Variants in NCAM2 observed in about 807,000 individuals in gnomAD.
NCAM2 encodes the protein N-CAM-2.
Under a neutral mutation model 98.1 loss-of-function variants are expected in NCAM2, and 30 were observed. That is an observed-to-expected ratio of 0.31 (90% CI 0.23 to 0.41). NCAM2 has a LOEUF of 0.41. Among genes scored for constraint, NCAM2 ranks in the 10% least tolerant of loss-of-function variants. The pLI, the probability that NCAM2 is intolerant of heterozygous loss-of-function variation, is 1.00. For missense variants in NCAM2, 867 were observed against 1,005.8 expected, an observed-to-expected ratio of 0.86 and a Z score of 1.87; for synonymous variants, 368 against 342.4, an observed-to-expected ratio of 1.07 and a Z score of -0.83.
intron 15 of NCAM2, among the ~76,000 whole-genome samples, chr21:21,495,526 A>G (rs1987163612): frequency 6.6e-6 from 1 of 151,998 alleles, no homozygotes; most frequent in Non-Finnish European, 1.5e-5. Flanking sequence ...TCTTTTGGAA[A>G]ATGATCACAA....
intron 1 of NCAM2, among the ~76,000 whole-genome samples, chr21:21,127,943 C>T (rs564460919): frequency 7.9e-5 from 12 of 152,250 alleles, no homozygotes; most frequent in Non-Finnish European, 1.0e-4. Flanking sequence ...ACCTGGCTGA[C>T]GCCCAGCTCA....
intron 5 of NCAM2, among the ~76,000 whole-genome samples, chr21:21,298,282 A>G (rs75312571): frequency 0.013 from 1,931 of 151,884 alleles, 43 homozygotes; most frequent in African/African-American, 0.045. Flanking sequence ...GAATCATGTA[A>G]TTGAATCAAC....
chr21:21,390,750 A>C (rs1386676736), intron 9 of NCAM2, among the ~76,000 whole-genome samples: 8 of 152,330 alleles, frequency 5.3e-5, no homozygotes, highest in Admixed American at 3.9e-4. Context: ...AATGCATGCA[A>C]TTCTAGAAAG....
intron 14 of NCAM2, among the ~76,000 whole-genome samples, chr21:21,474,979 T>G (rs8130152): frequency 0.016 from 2,376 of 150,546 alleles, 70 homozygotes; most frequent in African/African-American, 0.055. Context: ...TATGTAGGTC[T>G]ATATATATAA....
intron 1 of NCAM2, among the ~76,000 whole-genome samples, chr21:21,203,661 T>C (rs7283546): frequency 0.018 from 2,736 of 152,296 alleles, 80 homozygotes; most frequent in African/African-American, 0.062. Context: ...GAAGAAATTA[T>C]AACAACTTTA....
chr21:21,035,736 T>A (rs919806080), intron 1 of NCAM2, among the ~76,000 whole-genome samples: 1 of 152,178 alleles, frequency 6.6e-6, no homozygotes, highest in Non-Finnish European at 1.5e-5. Flanking sequence ...ATAAGAGTAT[T>A]TGATAAGAGT....
intron 1 of NCAM2, among the ~76,000 whole-genome samples, chr21:21,028,695 C>A (rs1277832534): frequency 1.3e-5 from 2 of 152,096 alleles, no homozygotes; most frequent in Admixed American, 6.5e-5. Context: ...ACACAAAATG[C>A]CCTAATAGTC....
chr21:21,391,985 T>C (rs1452352307), intron 9 of NCAM2, among the ~76,000 whole-genome samples: 1 of 152,212 alleles, frequency 6.6e-6, no homozygotes, highest in South Asian at 2.1e-4. Flanking sequence ...ACTGGTTTGT[T>C]ACACAGGTAA....
At chr21:21,040,028 C>T (rs1267152501) in intron 1 of NCAM2, among the ~76,000 whole-genome samples, 1 of 152,148 alleles carries the variant, frequency 6.6e-6, no homozygotes, top group Non-Finnish European at 1.5e-5. Context: ...CTGTTAAGGG[C>T]AACCTTCGCT....
intron 1 of NCAM2, among the ~76,000 whole-genome samples, chr21:21,013,923 A>G (rs1448477888): frequency 6.6e-6 from 1 of 152,268 alleles, no homozygotes; most frequent in East Asian, 1.9e-4. Context: ...TCTAGTTAAC[A>G]TAGTTGATGA....
At chr21:21,503,141 A>G (rs1222186421) in intron 15 of NCAM2, among the ~76,000 whole-genome samples, 2 of 151,962 alleles carry the variant, frequency 1.3e-5, no homozygotes, top group Non-Finnish European at 2.9e-5. Flanking sequence ...GATACATTCC[A>G]AAACTCTCAG....
At chr21:21,228,862 T>G (rs2070500545) in intron 1 of NCAM2, among the ~76,000 whole-genome samples, 3 of 151,552 alleles carry the variant, frequency 2.0e-5, no homozygotes, top group Admixed American at 6.6e-5. Context: ...AAACATTGTA[T>G]CTTAATACTG....
chr21:21,042,843 A>G (rs2064933138), intron 1 of NCAM2, among the ~76,000 whole-genome samples: 1 of 152,206 alleles, frequency 6.6e-6, no homozygotes, highest in Admixed American at 6.5e-5. Context: ...TTAAATAACA[A>G]CATAATTTAT....
chr21:21,165,721 A>G (rs1274705199), intron 1 of NCAM2, among the ~76,000 whole-genome samples: 2 of 152,242 alleles, frequency 1.3e-5, no homozygotes, highest in Admixed American at 6.5e-5. Flanking sequence ...TATAACATTT[A>G]TATTTTAATC....
intron 1 of NCAM2, among the ~76,000 whole-genome samples, chr21:21,238,233 A>G (rs9967999): frequency 2.0e-4 from 30 of 152,192 alleles, no homozygotes; most frequent in Admixed American, 1.8e-3. Flanking sequence ...CTGGGATTAC[A>G]GGGATGAGCC....
In NCAM2 at chr21:21,009,882, G is replaced by GGTGTGTGTGTGTGT. The variant is rs748587441; in HGVS notation, c.55+11264_55+11265insGTGTGTGTGTGTGT. Reference sequence around the variant, plus strand: ...AAAAATCCTCCTTTGGCCTCTGATAGCTGTGTGTGTGTGTGTGTGTGTGTG... The same window carrying GGTGTGTGTGTGTGT: ...AAAAATCCTCCTTTGGCCTCTGATAGGTGTGTGTGTGTGTCTGTGTGTGTGTGTGTGTGTGTGTG... On this transcript the variant is annotated intron_variant, in intron 1 of 17. Transcript: ENST00000400546. 2.1e-3 allele frequency among the ~76,000 whole-genome samples: 107 copies of GGTGTGTGTGTGTGT among 51,820 alleles called. 1 individual carries two copies. The highest frequency in any genetic ancestry group is 6.9e-3 in the South Asian group (9 of 1,300). The allele number at this position is 51,820 out of a possible 152,430, so 34.0% of individuals were successfully genotyped here.
intron 12 of NCAM2, among the ~76,000 whole-genome samples, chr21:21,441,558 A>G (rs1381388688): frequency 6.6e-6 from 1 of 152,254 alleles, no homozygotes; most frequent in East Asian, 1.9e-4. Context: ...AGATGGATTC[A>G]GATGATTTTT....
intron 1 of NCAM2, among the ~76,000 whole-genome samples, chr21:21,007,951 T>G (rs2064140676): frequency 6.6e-6 from 1 of 152,196 alleles, no homozygotes; most frequent in South Asian, 2.1e-4. Flanking sequence ...CTAGGCTTTC[T>G]GATTATTTTT....
At position 21,496,262 on chromosome 21, in the gene NCAM2, C is replaced by T. The variant is rs116103462; in HGVS notation, c.2078-12589C>T. ...ATGTATAAGCATTTTCTTTTCTCTA[C>T]GGCCTCACCGGCATCTGTTGTTTTT... On this transcript the variant is annotated intron_variant, in intron 15 of 17. Transcript: ENST00000400546. Among the ~76,000 whole-genome samples the T allele has an allele frequency of 4.8e-3, 734 of 151,892 alleles. 3 individuals carry two copies. Among genetic ancestry groups the T allele is most frequent in the African/African-American group, 0.017 (698 of 41,484 alleles).
Sources: gnomAD v4.1 joint callset for allele counts (sites outside exome capture counted in the v4.1 genomes callset) on GRCh38, gnomAD v4.1.1 for gene constraint, MANE v1.5 for transcripts, NCBI Gene and HGNC (gene_info 2026-07-23, HGNC 2026-07-21) for gene names.